CDK19: variants seen among roughly 807,000 people sequenced by gnomAD.
The protein encoded by CDK19 is cyclin-dependent kinase 19.
Under a neutral mutation model 68.3 loss-of-function variants are expected in CDK19, and 20 were observed. The ratio of observed to expected loss-of-function variants is 0.29; its 90% confidence interval spans 0.21 to 0.43. CDK19 has a LOEUF of 0.43. CDK19 is among the 20% of genes least tolerant of loss of function. The pLI is 1.00. For synonymous variants in CDK19, 221 were observed against 222.8 expected (o/e 0.99, Z 0.07); for missense variants, 339 against 623.5 (o/e 0.54, Z 4.86).
intron 5 of CDK19, among the ~76,000 whole-genome samples, chr6:110,635,288 G>A (rs906788656): frequency 6.6e-6 from 1 of 152,172 alleles, no homozygotes; most frequent in African/African-American, 2.4e-5. Context: ...AGTCCCCTGG[G>A]GGAAGGTCTA....
chr6:110,648,987 C>T (rs988275442), intron 4 of CDK19, among the ~76,000 whole-genome samples: 1 of 152,148 alleles, frequency 6.6e-6, no homozygotes, highest in Non-Finnish European at 1.5e-5. Context: ...GCTGGGATTA[C>T]AGGCATGGGC....
At position 110,753,840 on chromosome 6, in the gene CDK19, G is replaced by A. The variant is rs551274814; in HGVS notation, c.129-7639C>T. 1.1e-4 allele frequency among the ~76,000 whole-genome samples: 17 copies of A among 151,946 alleles called. No homozygotes were observed. The South Asian group carries it at 3.5e-3, about 32-fold the overall frequency. On this transcript the variant is annotated intron_variant, in intron 1 of 12. Coordinates refer to ENST00000368911, the MANE Select transcript of CDK19 (RefSeq NM_015076.5). ...TTGCACATCAATATACTTCACCAGT[G>A]GTCCACTAATGCTTCAAATCTTATT...
intron 10 of CDK19, 112 bp from the exon 11 acceptor site, chr6:110,622,278 C>T: frequency 1.4e-6 from 1 of 739,818 alleles, no homozygotes; most frequent in Non-Finnish European, 2.2e-6. Context: ...TACTCTTCAT[C>T]TGTGGCTAGT....
intron 1 of CDK19, among the ~76,000 whole-genome samples, chr6:110,771,651 G>A (rs1457061039): frequency 3.9e-5 from 6 of 152,074 alleles, no homozygotes; most frequent in Admixed American, 3.9e-4. Context: ...CCCATTTTCT[G>A]GGTTTTTCTT....
intron 4 of CDK19, among the ~76,000 whole-genome samples, chr6:110,640,008 T>A (rs1365974976): frequency 6.6e-6 from 1 of 151,204 alleles, no homozygotes; most frequent in Non-Finnish European, 1.5e-5. Context: ...AGTCTAGGAG[T>A]TCAAGGCCAG....
chr6:110,705,347 T>C (rs1011985819), intron 2 of CDK19, among the ~76,000 whole-genome samples: 1 of 152,112 alleles, frequency 6.6e-6, no homozygotes, highest in Non-Finnish European at 1.5e-5. Flanking sequence ...GCCAGAAATG[T>C]AGATTTTAGT....
chr6:110,611,303 TC>T lies in CDK19; in HGVS notation c.*3231del, dbSNP rs1778010647. On this transcript the variant is annotated 3_prime_UTR_variant, in exon 13 of 13. Transcript: ENST00000368911. Reference sequence around the variant, plus strand: ...TTCATTCCTTCCTGTCAATAACCCCTCCTAGTTTGGGTGTTCCCATAGGCTG... The same window carrying T: ...TTCATTCCTTCCTGTCAATAACCCCTCTAGTTTGGGTGTTCCCATAGGCTG... 1 of 152,242 alleles carries T rather than the reference TC, an allele frequency of 6.6e-6. No homozygotes were observed. The highest frequency in any genetic ancestry group is 1.5e-5 in the Non-Finnish European group (1 of 68,042). The allele number at this position is 152,242 out of a possible 1,614,324, so 9.4% of individuals were successfully genotyped here.
intron 12 of CDK19, among the ~76,000 whole-genome samples, chr6:110,620,377 AAAACAAACAAAAAAAC>A (rs1418138631): frequency 3.5e-5 from 5 of 141,116 alleles, no homozygotes; most frequent in East Asian, 2.0e-4. Context: ...TTCTAAACTT[AAAACAAACAAAAAAAC>A]AAACAAACAA....
intron 6 of CDK19, among the ~76,000 whole-genome samples, chr6:110,631,097 T>G (rs1439632402): frequency 2.0e-5 from 3 of 152,244 alleles, no homozygotes; most frequent in Admixed American, 6.5e-5. Context: ...CTATTTTTAA[T>G]AATTTTATAC....
At chr6:110,673,725 AT>A (rs529847163) in intron 2 of CDK19, among the ~76,000 whole-genome samples, 418 of 152,172 alleles carry the variant, frequency 2.7e-3, no homozygotes, top group Non-Finnish European at 4.7e-3. Flanking sequence ...TAAAAGAAAA[AT>A]TTTTTTAAAG....
chr6:110,683,358 T>C (rs1772178606), intron 2 of CDK19, among the ~76,000 whole-genome samples: 2 of 152,058 alleles, frequency 1.3e-5, no homozygotes, highest in Admixed American at 1.3e-4. Context: ...CTGTTGTCAT[T>C]GTTGTACTTA....
chr6:110,720,107 C>T (rs1469452853), intron 2 of CDK19, among the ~76,000 whole-genome samples: 1 of 151,826 alleles, frequency 6.6e-6, no homozygotes, highest in Non-Finnish European at 1.5e-5. Context: ...AACCCTGATT[C>T]ATGAAGTCAT....
chr6:110,622,041 TGCCTCCC>T (rs1437062206), intron 11 of CDK19, 40 bp downstream of exon 11: 3 of 1,086,302 alleles, frequency 2.8e-6, no homozygotes, highest in African/African-American at 3.2e-5. Context: ...ACTATCTTTT[TGCCTCCC>T]TTGCTCTTTG....
intron 5 of CDK19, among the ~76,000 whole-genome samples, chr6:110,632,624 G>A (rs926590336): frequency 1.3e-5 from 2 of 151,466 alleles, no homozygotes; most frequent in African/African-American, 4.9e-5. Context: ...CCAGCTACTC[G>A]GGAGGCTGAG....
intron 4 of CDK19, among the ~76,000 whole-genome samples, chr6:110,639,017 C>G (rs1365918137): frequency 6.6e-6 from 1 of 152,156 alleles, no homozygotes; most frequent in East Asian, 1.9e-4. Context: ...ATTTTTAAAC[C>G]TGCACAGTTT....
intron 1 of CDK19, among the ~76,000 whole-genome samples, chr6:110,784,979 T>C (rs990618357): frequency 1.3e-5 from 2 of 151,444 alleles, no homozygotes; most frequent in African/African-American, 2.4e-5. Flanking sequence ...TGACTGCTAA[T>C]GTGTACAGAG....
rs1310598892 is a variant in CDK19, at chr6:110,646,697, T to C, written c.457-7991A>G. The C allele has an allele frequency of 6.7e-6, 3 of 445,960 alleles. No homozygotes were observed. The East Asian group carries it at 1.0e-4, about 15-fold the overall frequency. 27.6% of individuals were successfully genotyped at this position (445,960 alleles called of 1,614,324 possible). A position where few individuals can be genotyped will look rare whatever the true frequency, so the allele number is the denominator to read the frequency against. On this transcript the variant is annotated intron_variant, in intron 4 of 12. Transcript: ENST00000368911. ...TGTCTCTCTGGGAATTTCTGGAATC[T>C]CGTTCATCATCCCTATCGATGCAGT...
rs1780433907 is a variant in CDK19 at position 110,776,829 on chromosome 6, A to G, written c.129-30628T>C. Among the ~76,000 whole-genome samples the G allele has an allele frequency of 2.0e-5, 3 of 152,366 alleles. No homozygotes were observed. The South Asian group carries it at 6.2e-4, about 32-fold the overall frequency. On this transcript the variant is annotated intron_variant, in intron 1 of 12. Transcript: ENST00000368911. Reference sequence around the variant, plus strand: ...TCCATTAAAACAATAATAGCAGCAAAGCCTTACATAGAATGTTTGATGTGC... The same window carrying G: ...TCCATTAAAACAATAATAGCAGCAAGGCCTTACATAGAATGTTTGATGTGC...
chr6:110,683,357 T>C (rs1772178167), intron 2 of CDK19, among the ~76,000 whole-genome samples: 1 of 152,098 alleles, frequency 6.6e-6, no homozygotes, highest in Non-Finnish European at 1.5e-5. Flanking sequence ...GCTGTTGTCA[T>C]TGTTGTACTT....
Sources: allele counts gnomAD v4.1 joint callset (sites outside exome capture counted in the v4.1 genomes callset), GRCh38; gene constraint gnomAD v4.1.1; transcripts MANE v1.5; gene names NCBI Gene and HGNC (gene_info 2026-07-23, HGNC 2026-07-21).